Variants in GLS2 observed in about 807,000 individuals in gnomAD.
GLS2 encodes the protein glutaminase liver isoform, mitochondrial.
A neutral mutation model predicts 79.0 loss-of-function variants in GLS2; 52 were observed. The ratio of observed to expected loss-of-function variants is 0.66; its 90% confidence interval spans 0.53 to 0.83. The LOEUF is 0.83. GLS2 is among the 40% of genes least tolerant of loss of function. GLS2 has a pLI of 0.00. For synonymous variants in GLS2, 238 were observed against 280.8 expected (o/e 0.85, Z 1.52); for missense variants, 561 against 764.8 (o/e 0.73, Z 3.14).
chr12:56,479,001 A>G (rs1374040530), intron 4 of GLS2, 51 bp downstream of exon 4: 3 of 1,562,254 alleles, frequency 1.9e-6, no homozygotes, highest in Non-Finnish European at 1.7e-6. Context: ...AAAAAAAAAA[A>G]AAAAATCTGG....
chr12:56,474,398 G>A (rs942485536), intron 12 of GLS2, 146 bp downstream of exon 12: 52 of 931,916 alleles, frequency 5.6e-5, no homozygotes, highest in Non-Finnish European at 7.2e-5. Context: ...TGAGAAACTC[G>A]TCTAAGGAGT....
At position 56,473,337 on chromosome 12, in the gene GLS2, A is replaced by C; in HGVS notation, c.1357-17T>G. On this transcript the variant is annotated splice_polypyrimidine_tract_variant and intron_variant, in intron 13 of 17. Coordinates refer to ENST00000311966, the MANE Select transcript of GLS2 (RefSeq NM_013267.4). ...CACCAACTTCTAGAATTGTAAGCCA[A>C]ATATATTGTTTATTTACTCCTTACA... 6.2e-7 allele frequency: 1 copy of C among 1,613,664 alleles called. No individual in the cohort carries two copies.
chr12:56,476,775 T>G (rs900724827), intron 7 of GLS2: 1 of 152,150 alleles, frequency 6.6e-6, no homozygotes, highest in African/African-American at 2.4e-5. Flanking sequence ...TTTGTATTTT[T>G]AGTAGAGACG....
In GLS2 at chr12:56,474,619, A is replaced by G. The variant is rs529479638; in HGVS notation, c.1149T>C (p.Ala383=). 5 of 1,614,104 alleles carry G rather than the reference A, an allele frequency of 3.1e-6. No individual in the cohort carries two copies. The South Asian group carries it at 4.4e-5, about 14-fold the overall frequency. ...CPITGESVLS[A]EAVRNTLSLM... ...GGCTGAGGGTGTTGCGCACTGCTTC[A>G]GCACTCAGCACACTCTCGCCTGTGA... Residue 383 remains alanine, a synonymous_variant, in exon 12 of 18, where the codon GCT becomes GCC. Transcript: ENST00000311966.
intron 1 of GLS2, among the ~76,000 whole-genome samples, chr12:56,486,712 G>A (rs1366804953): frequency 6.6e-6 from 1 of 152,040 alleles, no homozygotes; most frequent in Non-Finnish European, 1.5e-5. Flanking sequence ...GTGGTGGCGC[G>A]CACCTGTAAT....
chr12:56,477,622 G>C (rs1011413354), intron 7 of GLS2, 38 bp downstream of exon 7: 3 of 1,585,068 alleles, frequency 1.9e-6, no homozygotes, highest in Admixed American at 1.8e-5. Context: ...CAGGAGCTTA[G>C]AGGATAATAC....
chr12:56,482,229 T>TA (rs898450250), intron 1 of GLS2, among the ~76,000 whole-genome samples: 20 of 149,840 alleles, frequency 1.3e-4, no homozygotes, highest in African/African-American at 3.2e-4. Flanking sequence ...AGACTTTGTT[T>TA]AAAAAAAAAA....
At chr12:56,478,845 T>G (rs1448124571) in intron 4 of GLS2, 3 of 538,582 alleles carry the variant, frequency 5.6e-6, no homozygotes, top group Non-Finnish European at 6.3e-6. Flanking sequence ...ATACAAAAAT[T>G]AGTCGGGCAT....
In GLS2 at chr12:56,474,884, C is replaced by A; in HGVS notation, c.1009G>T (p.Gly337Trp). The A allele has an allele frequency of 2.5e-6, 4 of 1,614,142 alleles. No homozygotes were observed. Among genetic ancestry groups the A allele is most frequent in the Non-Finnish European group, 3.4e-6 (4 of 1,180,018 alleles). The change falls in exon 11 of 18, where the codon GGG becomes TGG. Residue 337 changes from glycine to tryptophan, a missense_variant. Gly to Trp is a radical substitution (Grantham distance 184). Transcript: ENST00000311966. ...YLKEKKCFPK[G>W]VDMMAALDLY... Reference sequence around the variant, plus strand: ...TCAAGGGCAGCCATCATGTCCACCCCCTTAGGAAAGCACTGCAAGGAAGAG... The same window carrying A: ...TCAAGGGCAGCCATCATGTCCACCCACTTAGGAAAGCACTGCAAGGAAGAG...
At position 56,481,666 on chromosome 12, in the gene GLS2, G is replaced by A. The variant is rs1163503956; in HGVS notation, c.183-1279C>T. On this transcript the variant is annotated intron_variant, in intron 1 of 17. Coordinates refer to ENST00000311966, the MANE Select transcript of GLS2 (RefSeq NM_013267.4). Reference sequence around the variant, plus strand: ...AGCACTTTGGGAGGCTGAGGCAGGCGGATCACCTGAGGTTAGGAGTTTGAG... The same window carrying A: ...AGCACTTTGGGAGGCTGAGGCAGGCAGATCACCTGAGGTTAGGAGTTTGAG... Among the ~76,000 whole-genome samples, 1,072 of 143,124 alleles carry A rather than the reference G, an allele frequency of 7.5e-3. 16 individuals carry two copies. Among genetic ancestry groups the A allele is most frequent in the African/African-American group, 0.026 (996 of 37,764 alleles). 93.9% of individuals were successfully genotyped at this position (143,124 alleles called of 152,430 possible).
At chr12:56,484,604 C>G (rs565310496) in intron 1 of GLS2, among the ~76,000 whole-genome samples, 1 of 152,012 alleles carries the variant, frequency 6.6e-6, no homozygotes, top group African/African-American at 2.4e-5. Context: ...TGAGGGATAA[C>G]TCAAGAAGGA....
intron 1 of GLS2, among the ~76,000 whole-genome samples, chr12:56,482,110 A>T (rs1015738371): frequency 2.6e-5 from 4 of 152,056 alleles, no homozygotes; most frequent in Non-Finnish European, 5.9e-5. Flanking sequence ...GGGCTTCTGT[A>T]ATCTCAGCTA....
rs758994453 is a variant in GLS2, at chr12:56,473,613, G to A, written c.1225-19C>T. ...GGCCCACCTGGGGAACAGAACTGAA[G>A]CTGAGGATAAAGTGGGTGTGCCCCA... On this transcript the variant is annotated intron_variant, in intron 12 of 17. Transcript: ENST00000311966. The A allele has an allele frequency of 1.3e-5, 21 of 1,600,294 alleles. No individual in the cohort carries two copies. The highest frequency in any genetic ancestry group is 2.2e-4 in the Middle Eastern group (1 of 4,496).
At chr12:56,485,405 C>T (rs966061488) in intron 1 of GLS2, among the ~76,000 whole-genome samples, 6 of 151,842 alleles carry the variant, frequency 4.0e-5, no homozygotes, top group African/African-American at 1.2e-4. Flanking sequence ...TACAGGCATG[C>T]GCCACCATGC....
chr12:56,472,471 C>T lies in GLS2; in HGVS notation c.1511+219G>A, dbSNP rs111769122. 2.0e-3 allele frequency: 1,217 copies of T among 608,528 alleles called. 14 individuals are homozygous for T. In the African/African-American group the frequency reaches 0.021, roughly 10 times the overall value. 37.7% of individuals were successfully genotyped at this position (608,528 alleles called of 1,614,324 possible). On this transcript the variant is annotated intron_variant, in intron 15 of 17. Coordinates refer to ENST00000311966, the MANE Select transcript of GLS2 (RefSeq NM_013267.4). The stretch of plus-strand genomic sequence containing the variant: ...GGTACCTACTTCCTAGGACACTGCT[C>T]TTAACACTCAATAACAATGGCTAAC...
intron 1 of GLS2, among the ~76,000 whole-genome samples, chr12:56,484,215 A>G (rs1171583747): frequency 6.6e-6 from 1 of 152,182 alleles, no homozygotes; most frequent in African/African-American, 2.4e-5. Flanking sequence ...GGTTGCAGTG[A>G]GCTGAGATTA....
At chr12:56,483,742 A>G (rs190474720) in intron 1 of GLS2, among the ~76,000 whole-genome samples, 1 of 152,018 alleles carries the variant, frequency 6.6e-6, no homozygotes, top group African/African-American at 2.4e-5. Flanking sequence ...CACCATGCCC[A>G]GTTTTATTTA....
intron 1 of GLS2, among the ~76,000 whole-genome samples, chr12:56,482,002 G>A (rs1229449515): frequency 4.0e-5 from 6 of 151,548 alleles, no homozygotes; most frequent in African/African-American, 7.3e-5. Flanking sequence ...AGGCCAAGGC[G>A]GGCAGATCAC....
rs1225146158 is a variant in GLS2, at chr12:56,475,674, C to T, written c.879G>A (p.Gln293=). ...NKAEKFDFVL[Q]YLNKMAGNEY... is the part of the protein sequence containing the mutation. The stretch of plus-strand genomic sequence containing the variant: ...CATTCCCAGCCATTTTGTTGAGATA[C>T]TGCAACACCTGGAAGAGAAAAAGGG... The change falls in exon 9 of 18, where the codon CAG becomes CAA. Residue 293 remains glutamine, a synonymous_variant. Transcript: ENST00000311966. The T allele has an allele frequency of 2.5e-6, 4 of 1,614,188 alleles. No individual in the cohort carries two copies. Among genetic ancestry groups the T allele is most frequent in the Non-Finnish European group, 3.4e-6 (4 of 1,180,022 alleles).
Sources: allele counts gnomAD v4.1 joint callset (sites outside exome capture counted in the v4.1 genomes callset), GRCh38; gene constraint gnomAD v4.1.1; transcripts MANE v1.5; gene names NCBI Gene and HGNC (gene_info 2026-07-23, HGNC 2026-07-21).